The following NCAM1 variants were observed in gnomAD, a reference collection of about 807,000 sequenced individuals.
The protein encoded by NCAM1 is antigen recognized by monoclonal antibody 5.1H11.
In NCAM1, 14 loss-of-function variants were observed where a neutral mutation model predicts 109.8. That is an observed-to-expected ratio of 0.13 (90% CI 0.08 to 0.20). The LOEUF is 0.20. Ranked by LOEUF, NCAM1 falls within the 10% of genes least tolerant of loss-of-function variation. The probability of loss-of-function intolerance (pLI) is 1.00; values close to 1 mark genes in which losing one functional copy is unlikely to be tolerated. For synonymous variants in NCAM1, 418 were observed against 442.9 expected (o/e 0.94, Z 0.70); for missense variants, 774 against 1,109.9 (o/e 0.70, Z 4.30).
chr11:113,251,639 A>G (rs917633843), intron 15 of NCAM1, among the ~76,000 whole-genome samples: 2 of 152,152 alleles, frequency 1.3e-5, no homozygotes, highest in Non-Finnish European at 2.9e-5. Flanking sequence ...GGAACATTTG[A>G]CTCATGGCTA....
intron 9 of NCAM1, among the ~76,000 whole-genome samples, chr11:113,230,211 G>C (rs935901522): frequency 2.0e-5 from 3 of 152,168 alleles, no homozygotes; most frequent in Non-Finnish European, 2.9e-5. Flanking sequence ...ACACCTGTTT[G>C]TTGTCATCTC....
intron 15 of NCAM1, among the ~76,000 whole-genome samples, chr11:113,249,109 AT>A (rs1163683216): frequency 2.0e-5 from 3 of 151,858 alleles, no homozygotes; most frequent in South Asian, 2.1e-4. Context: ...TCATAATGAT[AT>A]TTTTTTTCTT....
chr11:113,145,251 G>T (rs1245130), intron 1 of NCAM1, among the ~76,000 whole-genome samples: 126,358 of 152,174 alleles, frequency 0.83, 52,907 homozygotes, highest in African/African-American at 0.93. Flanking sequence ...AGACCTTTGT[G>T]GTAAAATGTG....
intron 1 of NCAM1, among the ~76,000 whole-genome samples, chr11:113,183,440 A>G (rs1374976335): frequency 1.2e-4 from 18 of 152,256 alleles, no homozygotes; most frequent in African/African-American, 4.3e-4. Context: ...CTTAGGAAAT[A>G]CACGCAAATG....
At chr11:113,112,781 A>G (rs1013765423) in intron 1 of NCAM1, among the ~76,000 whole-genome samples, 29 of 152,040 alleles carry the variant, frequency 1.9e-4, no homozygotes, top group Admixed American at 2.0e-4. Context: ...TAGTTTCATG[A>G]AGGTCTTTCT....
chr11:112,979,597 C>A (rs1193923255), intron 1 of NCAM1, among the ~76,000 whole-genome samples: 1 of 151,772 alleles, frequency 6.6e-6, no homozygotes, highest in Non-Finnish European at 1.5e-5. Context: ...ATTGCACTGA[C>A]TCAGGTCGAC....
chr11:113,015,381 A>G (rs781805730), intron 1 of NCAM1, among the ~76,000 whole-genome samples: 1 of 152,232 alleles, frequency 6.6e-6, no homozygotes, highest in Non-Finnish European at 1.5e-5. Context: ...TGGTTCAACC[A>G]AATATTACAA....
At chr11:113,075,261 C>T (rs1457481400) in intron 1 of NCAM1, among the ~76,000 whole-genome samples, 17 of 151,812 alleles carry the variant, frequency 1.1e-4, no homozygotes, top group Admixed American at 7.2e-4. Context: ...TAGAGATGGG[C>T]GTCTCACTAT....
At chr11:113,225,955 C>T (rs1369743694) in intron 9 of NCAM1, among the ~76,000 whole-genome samples, 4 of 152,214 alleles carry the variant, frequency 2.6e-5, no homozygotes, top group African/African-American at 9.7e-5. Context: ...AAAGGAACAA[C>T]TGGTACCAGC....
intron 1 of NCAM1, among the ~76,000 whole-genome samples, chr11:113,174,999 G>A (rs1943102795): frequency 6.6e-6 from 1 of 152,214 alleles, no homozygotes; most frequent in African/African-American, 2.4e-5. Flanking sequence ...GGAGCCAAAA[G>A]GCTTCCTCCA....
intron 1 of NCAM1, among the ~76,000 whole-genome samples, chr11:113,077,904 C>A (rs782667188): frequency 2.0e-5 from 3 of 152,090 alleles, no homozygotes; most frequent in Non-Finnish European, 4.4e-5. Context: ...TCAGGCTGGT[C>A]TCAAACTCCT....
At chr11:113,134,876 G>A (rs1261840811) in intron 1 of NCAM1, among the ~76,000 whole-genome samples, 3 of 152,116 alleles carry the variant, frequency 2.0e-5, no homozygotes, top group Non-Finnish European at 2.9e-5. Flanking sequence ...TTTTATTGCA[G>A]TAATCCATAC....
At position 113,273,776 on chromosome 11, in the gene NCAM1, C is replaced by T. The variant is rs782765318; in HGVS notation, c.2457-1491C>T. Reference sequence around the variant, plus strand: ...ACGGCCTCTCTTTGTCTGCTGTCATCGGGTTGTGTCCTGTGGTGGTGTGCA... The same window carrying T: ...ACGGCCTCTCTTTGTCTGCTGTCATTGGGTTGTGTCCTGTGGTGGTGTGCA... On this transcript the variant is annotated intron_variant, in intron 19 of 19. Coordinates refer to ENST00000316851, the MANE Select transcript of NCAM1 (RefSeq NM_181351.5). This position sits in a 1 kb window ranked among gnomAD's most constrained non-coding sequence, Gnocchi z 6.0. 9.6e-6 allele frequency: 4 copies of T among 416,084 alleles called. No individual in the cohort carries two copies. Among genetic ancestry groups the T allele is most frequent in the African/African-American group, 6.1e-5 (3 of 48,900 alleles). 25.8% of individuals were successfully genotyped at this position (416,084 alleles called of 1,614,324 possible). A position where few individuals can be genotyped will look rare whatever the true frequency, so the allele number is the denominator to read the frequency against.
intron 1 of NCAM1, among the ~76,000 whole-genome samples, chr11:113,195,837 TC>T (rs1388256624): frequency 6.6e-6 from 1 of 151,896 alleles, no homozygotes; most frequent in East Asian, 1.9e-4. Context: ...CAGGCTGAAT[TC>T]AATAGTATAT....
intron 1 of NCAM1, among the ~76,000 whole-genome samples, chr11:113,113,173 A>T (rs1379475139): frequency 2.6e-5 from 4 of 152,152 alleles, no homozygotes; most frequent in African/African-American, 9.7e-5. Flanking sequence ...GAGTCCAATT[A>T]GCTACCGTGT....
intron 1 of NCAM1, among the ~76,000 whole-genome samples, chr11:113,194,300 A>G (rs1352343994): frequency 1.3e-5 from 2 of 152,212 alleles, no homozygotes; most frequent in Admixed American, 1.3e-4. Flanking sequence ...TTATGATGTC[A>G]TATTAGACAG....
At chr11:113,083,896 T>A (rs191434632) in intron 1 of NCAM1, among the ~76,000 whole-genome samples, 7 of 152,278 alleles carry the variant, frequency 4.6e-5, no homozygotes, top group African/African-American at 1.7e-4. Flanking sequence ...CAGACGTTTG[T>A]CCCTGGTCTC....
At chr11:113,153,475 A>AGT (rs148147482) in intron 1 of NCAM1, among the ~76,000 whole-genome samples, 16,624 of 148,568 alleles carry the variant, frequency 0.11, 1,350 homozygotes, top group East Asian at 0.24. Flanking sequence ...AGAGAGAGAG[A>AGT]GTGTGTGTGT....
At chr11:113,216,008 C>A (rs2137035390) in intron 8 of NCAM1, among the ~76,000 whole-genome samples, 1 of 152,316 alleles carries the variant, frequency 6.6e-6, no homozygotes, top group Middle Eastern at 3.4e-3. Context: ...ATATCTATCT[C>A]AGATGAATGA....
Sources: gnomAD v4.1 joint callset for allele counts (sites outside exome capture counted in the v4.1 genomes callset) on GRCh38, gnomAD v4.1.1 for gene constraint, Gnocchi (gnomAD v3.1) non-coding constraint, MANE v1.5 for transcripts, NCBI Gene and HGNC (gene_info 2026-07-23, HGNC 2026-07-21) for gene names.